The following ARHGAP26 variants were observed in gnomAD, a reference collection of about 807,000 sequenced individuals.
The protein encoded by ARHGAP26 is rho GTPase-activating protein 26.
In ARHGAP26, 38 loss-of-function variants were observed where a neutral mutation model predicts 104.8. That is an observed-to-expected ratio of 0.36 (90% CI 0.28 to 0.48). ARHGAP26 has a LOEUF of 0.48. Ranked by LOEUF, ARHGAP26 falls within the 20% of genes least tolerant of loss-of-function variation. The probability of loss-of-function intolerance (pLI) is 0.99; values close to 1 mark genes in which losing one functional copy is unlikely to be tolerated. For synonymous variants in ARHGAP26, 341 were observed against 340.0 expected (o/e 1.00, Z -0.03); for missense variants, 704 against 947.9 (o/e 0.74, Z 3.38).
At chr5:143,044,459 G>A (rs1348760321) in intron 14 of ARHGAP26, among the ~76,000 whole-genome samples, 1 of 152,104 alleles carries the variant, frequency 6.6e-6, no homozygotes, top group Non-Finnish European at 1.5e-5. Flanking sequence ...GAAGGCTCCA[G>A]CGAGGACTTT....
intron 20 of ARHGAP26, among the ~76,000 whole-genome samples, chr5:143,178,233 C>A (rs1803783544): frequency 6.6e-6 from 1 of 151,958 alleles, no homozygotes; most frequent in African/African-American, 2.4e-5. Flanking sequence ...CTCCTGACCT[C>A]AAGTGATCTG....
At chr5:143,093,156 T>G (rs917333850) in intron 17 of ARHGAP26, among the ~76,000 whole-genome samples, 1 of 152,218 alleles carries the variant, frequency 6.6e-6, no homozygotes, top group Non-Finnish European at 1.5e-5. Flanking sequence ...GCTTTTTTTT[T>G]TTTTGGACTT....
chr5:143,213,398 T>G (rs923635420), intron 21 of ARHGAP26, among the ~76,000 whole-genome samples: 5 of 145,910 alleles, frequency 3.4e-5, no homozygotes, highest in Non-Finnish European at 5.9e-5. Flanking sequence ...GTAATTGCCC[T>G]CATGCACCTT....
At chr5:142,936,848 A>T (rs1473717471) in intron 11 of ARHGAP26, among the ~76,000 whole-genome samples, 1 of 152,040 alleles carries the variant, frequency 6.6e-6, no homozygotes, top group Non-Finnish European at 1.5e-5. Context: ...CCTTGACTTA[A>T]ACCTCATATC....
At chr5:142,897,541 C>G (rs908532521) in intron 6 of ARHGAP26, among the ~76,000 whole-genome samples, 4 of 152,164 alleles carry the variant, frequency 2.6e-5, no homozygotes, top group African/African-American at 7.2e-5. Context: ...CACTCCAGAC[C>G]TGAAATTTAA....
At chr5:143,166,920 C>T (rs191687054) in intron 20 of ARHGAP26, among the ~76,000 whole-genome samples, 55 of 152,236 alleles carry the variant, frequency 3.6e-4, no homozygotes, top group Admixed American at 2.9e-3. Flanking sequence ...GTTACATTCA[C>T]AGAATAGAAA....
chr5:142,772,895 G>A (rs918207206), intron 1 of ARHGAP26: 2 of 533,262 alleles, frequency 3.8e-6, no homozygotes, highest in African/African-American at 1.9e-5. Context: ...AGTTTTTGGG[G>A]GCAAGAATTC....
At chr5:143,076,228 C>T (rs1315830807) in intron 17 of ARHGAP26, among the ~76,000 whole-genome samples, 1 of 140,674 alleles carries the variant, frequency 7.1e-6, no homozygotes, top group East Asian at 2.1e-4. Context: ...GAACTCCTGG[C>T]CTCAAACTAT....
intron 20 of ARHGAP26, among the ~76,000 whole-genome samples, chr5:143,178,947 G>A (rs1193748879): frequency 6.6e-6 from 1 of 151,680 alleles, no homozygotes; most frequent in Non-Finnish European, 1.5e-5. Context: ...TGGGCTCACT[G>A]CAACTTCCGC....
chr5:142,968,032 G>C (rs762652022), intron 11 of ARHGAP26, among the ~76,000 whole-genome samples: 9 of 152,168 alleles, frequency 5.9e-5, no homozygotes, highest in Non-Finnish European at 1.0e-4. Context: ...ATAGGTAACA[G>C]ATCCGGAGCA....
At chr5:142,910,753 A>G (rs1223521948) in intron 9 of ARHGAP26, among the ~76,000 whole-genome samples, 1 of 152,162 alleles carries the variant, frequency 6.6e-6, no homozygotes, top group African/African-American at 2.4e-5. Context: ...AAAGAAAAAA[A>G]GAAGAAATAG....
intron 22 of ARHGAP26, among the ~76,000 whole-genome samples, chr5:143,221,323 A>AT (rs1445225021): frequency 6.6e-6 from 1 of 151,352 alleles, no homozygotes; most frequent in Non-Finnish European, 1.5e-5. Context: ...AAACTGGTAT[A>AT]TAGAGGAGGG....
Position 143,223,316 on chromosome 5 carries a change from G to A in ARHGAP26, c.*870G>A, listed in dbSNP as rs1051491447. On this transcript the variant is annotated 3_prime_UTR_variant, in exon 23 of 23. Transcript: ENST00000645722. ...AAGGAATTAGGGTGGTCTACTTGAG[G>A]CAGATGGGATAGTAGCTGGGAACTG... 20 of 233,180 alleles carry A rather than the reference G, an allele frequency of 8.6e-5. No individual in the cohort carries two copies. Among genetic ancestry groups the A allele is most frequent in the Middle Eastern group, 2.6e-3 (2 of 784 alleles). 14.4% of individuals were successfully genotyped at this position (233,180 alleles called of 1,614,324 possible).
intron 20 of ARHGAP26, among the ~76,000 whole-genome samples, chr5:143,169,224 G>A (rs369327399): frequency 5.5e-4 from 84 of 152,340 alleles, no homozygotes; most frequent in African/African-American, 1.9e-3. Flanking sequence ...TTCTATTCAA[G>A]ACCCTGTATG....
chr5:143,148,247 C>G (rs1799393773), intron 20 of ARHGAP26, among the ~76,000 whole-genome samples: 1 of 152,160 alleles, frequency 6.6e-6, no homozygotes, highest in Non-Finnish European at 1.5e-5. Flanking sequence ...AGTTGTTTCA[C>G]GTGGGGAGAC....
intron 11 of ARHGAP26, among the ~76,000 whole-genome samples, chr5:142,996,417 T>A (rs151972): frequency 5.3e-5 from 8 of 151,954 alleles, no homozygotes; most frequent in Admixed American, 3.9e-4. Flanking sequence ...TGCTTGAACC[T>A]GGGAGGTGGA....
At chr5:142,973,226 G>C (rs1035441816) in intron 11 of ARHGAP26, among the ~76,000 whole-genome samples, 7 of 152,164 alleles carry the variant, frequency 4.6e-5, no homozygotes, top group African/African-American at 1.7e-4. Context: ...TCGTTAAAAA[G>C]GCATTGCTCA....
intron 20 of ARHGAP26, among the ~76,000 whole-genome samples, chr5:143,199,661 C>G (rs1424038025): frequency 6.6e-6 from 1 of 152,180 alleles, no homozygotes; most frequent in Non-Finnish European, 1.5e-5. Context: ...AGCATAAAGA[C>G]CAGCCCTGGG....
At chr5:142,885,587 T>A (rs543194657) in intron 5 of ARHGAP26, among the ~76,000 whole-genome samples, 188 bp downstream of exon 5, 1 of 152,210 alleles carries the variant, frequency 6.6e-6, no homozygotes, top group Non-Finnish European at 1.5e-5. Context: ...TCCCACCCCA[T>A]CCTTTGTAGC....
Sources: gnomAD v4.1 joint callset for allele counts (sites outside exome capture counted in the v4.1 genomes callset) on GRCh38, gnomAD v4.1.1 for gene constraint, MANE v1.5 for transcripts, NCBI Gene and HGNC (gene_info 2026-07-23, HGNC 2026-07-21) for gene names.